Variants in ATE1 observed in about 807,000 individuals in gnomAD.
ATE1 encodes arginyl-tRNA--protein transferase 1.
In ATE1, 36 loss-of-function variants were observed where a neutral mutation model predicts 70.5. The observed-to-expected ratio is 0.51, with a 90% CI of 0.39 to 0.67. The LOEUF is 0.67. ATE1 is among the 30% of genes least tolerant of loss of function. The probability of loss-of-function intolerance (pLI) is 0.00; values close to 1 mark genes in which losing one functional copy is unlikely to be tolerated. For synonymous variants in ATE1, 232 were observed against 219.3 expected (o/e 1.06, Z -0.51); for missense variants, 593 against 629.5 (o/e 0.94, Z 0.62).
At chr10:121,757,804 C>T (rs1944869815) in intron 11 of ATE1, among the ~76,000 whole-genome samples, 1 of 152,214 alleles carries the variant, frequency 6.6e-6, no homozygotes, top group African/African-American at 2.4e-5. Context: ...TGGGTGGGGA[C>T]ACAGAGCCAA....
At chr10:121,825,470 A>G (rs995973313) in intron 10 of ATE1, among the ~76,000 whole-genome samples, 5 of 152,212 alleles carry the variant, frequency 3.3e-5, no homozygotes, top group Admixed American at 6.5e-5. Flanking sequence ...AGTTTCTCCC[A>G]TTACCAACCA....
chr10:121,829,349 G>A (rs1487969769), intron 10 of ATE1, among the ~76,000 whole-genome samples: 2 of 152,080 alleles, frequency 1.3e-5, no homozygotes, highest in Non-Finnish European at 2.9e-5. Flanking sequence ...CTTGAACCCA[G>A]GAGGCAAGAG....
intron 11 of ATE1, among the ~76,000 whole-genome samples, chr10:121,779,821 A>G (rs146849338): frequency 5.9e-5 from 9 of 152,320 alleles, no homozygotes; most frequent in African/African-American, 1.9e-4. Flanking sequence ...CACTAAAACT[A>G]AAACAAGGTC....
rs34400277 is a variant in ATE1 at position 121,892,499 on chromosome 10, CTTTTTTT to C, written c.942+7360_942+7366del. On this transcript the variant is annotated intron_variant, in intron 7 of 11. Coordinates refer to ENST00000224652, the MANE Select transcript of ATE1 (RefSeq NM_001001976.3). ...GGGTGGGACACAAACGGTGACAAAA[CTTTTTTT>C]TTTTTTTTTTTTTGACACAGTCTCC... Among the ~76,000 whole-genome samples the C allele has an allele frequency of 1.4e-3, 177 of 125,564 alleles. 1 individual carries two copies. The highest frequency in any genetic ancestry group is 5.0e-3 in the African/African-American group (170 of 34,308). 82.4% of individuals were successfully genotyped at this position (125,564 alleles called of 152,430 possible).
At chr10:121,844,302 C>T (rs1948737427) in intron 8 of ATE1, among the ~76,000 whole-genome samples, 1 of 152,166 alleles carries the variant, frequency 6.6e-6, no homozygotes, top group Non-Finnish European at 1.5e-5. Flanking sequence ...TGAACAGACA[C>T]CTCACCCCAA....
At chr10:121,866,516 C>A (rs1949668302) in intron 8 of ATE1, among the ~76,000 whole-genome samples, 2 of 152,062 alleles carry the variant, frequency 1.3e-5, no homozygotes, top group Admixed American at 1.3e-4. Flanking sequence ...CACATATATT[C>A]CCAATACTTA....
chr10:121,926,668 T>C, intron 1 of ATE1: 1 of 931,880 alleles, frequency 1.1e-6, no homozygotes, highest in Non-Finnish European at 1.3e-6. Flanking sequence ...ATAAATATTA[T>C]AGCCAAAATA....
intron 11 of ATE1, among the ~76,000 whole-genome samples, chr10:121,789,495 C>T (rs1271315444): frequency 6.6e-6 from 1 of 151,894 alleles, no homozygotes; most frequent in Non-Finnish European, 1.5e-5. Context: ...GAGGAGGTTT[C>T]ACCATGTTGG....
chr10:121,928,102 T>G, upstream of ATE1: 2 of 1,218,868 alleles, frequency 1.6e-6, no homozygotes, highest in Non-Finnish European at 2.0e-6. Flanking sequence ...CGGCGCCTCT[T>G]GGAGCTGACG....
intron 7 of ATE1, 142 bp downstream of exon 7, chr10:121,899,724 A>C: frequency 8.1e-7 from 1 of 1,239,802 alleles, no homozygotes; most frequent in Non-Finnish European, 1.1e-6. Flanking sequence ...AATGTCCATT[A>C]ATTCAGTCTT....
chr10:121,759,680 C>T (rs539027120), intron 11 of ATE1, among the ~76,000 whole-genome samples: 13 of 149,710 alleles, frequency 8.7e-5, no homozygotes, highest in Admixed American at 2.7e-4. Flanking sequence ...GCCGAGACTG[C>T]GCCACTGCAC....
chr10:121,886,759 A>C (rs1950412334), intron 7 of ATE1, among the ~76,000 whole-genome samples: 1 of 152,284 alleles, frequency 6.6e-6, no homozygotes, highest in South Asian at 2.1e-4. Flanking sequence ...GCCTAGGGTA[A>C]AACTGGTTTC....
At chr10:121,912,630 C>T (rs746224781) in intron 4 of ATE1, among the ~76,000 whole-genome samples, 15 of 151,758 alleles carry the variant, frequency 9.9e-5, no homozygotes, top group African/African-American at 2.4e-4. Context: ...CCAGCCCGGG[C>T]GACAGAGCAA....
Position 121,816,936 on chromosome 10 carries a change from A to G in ATE1, c.1257+19782T>C, listed in dbSNP as rs116150713. On this transcript the variant is annotated intron_variant, in intron 10 of 11. Transcript: ENST00000224652. ...ACAAATGTTCTAAATTATTTGCAAT[A>G]CCTGAAAAGAATCTGAAGAAAGTGC... 4.5e-3 allele frequency among the ~76,000 whole-genome samples: 685 copies of G among 152,322 alleles called. 6 individuals carry two copies. The highest frequency in any genetic ancestry group is 0.015 in the African/African-American group (644 of 41,580).
At chr10:121,859,130 A>C (rs912858788) in intron 8 of ATE1, among the ~76,000 whole-genome samples, 1 of 152,222 alleles carries the variant, frequency 6.6e-6, no homozygotes, top group African/African-American at 2.4e-5. Flanking sequence ...AGGATATGCA[A>C]GAAAATTGTG....
At chr10:121,869,536 C>T (rs529220255) in intron 8 of ATE1, among the ~76,000 whole-genome samples, 7 of 152,222 alleles carry the variant, frequency 4.6e-5, no homozygotes, top group Non-Finnish European at 8.8e-5. Flanking sequence ...GCTATAACAG[C>T]ACCTCAATAA....
intron 10 of ATE1, among the ~76,000 whole-genome samples, chr10:121,801,700 T>A (rs1376629895): frequency 2.0e-5 from 3 of 152,182 alleles, no homozygotes; most frequent in African/African-American, 7.2e-5. Flanking sequence ...TTTGCTTTTT[T>A]AAGGCTCTTT....
rs570732571 is a variant in ATE1 at position 121,774,697 on chromosome 10, C to T, written c.1378+15472G>A. On this transcript the variant is annotated intron_variant, in intron 11 of 11. Coordinates refer to ENST00000224652, the MANE Select transcript of ATE1 (RefSeq NM_001001976.3). ...ACTGTGTTCTTTACTAAGGGAACTTCGATCTAAATGTAAAATTAGAACTCA... is the reference window on the plus strand; with the variant it reads ...ACTGTGTTCTTTACTAAGGGAACTTTGATCTAAATGTAAAATTAGAACTCA... Among the ~76,000 whole-genome samples, 5 of 152,266 alleles carry T rather than the reference C, an allele frequency of 3.3e-5. No homozygotes were observed. In the South Asian group the frequency reaches 8.3e-4, roughly 25 times the overall value.
At chr10:121,769,760 G>A (rs140342753) in intron 11 of ATE1, among the ~76,000 whole-genome samples, 37 of 152,354 alleles carry the variant, frequency 2.4e-4, no homozygotes, top group African/African-American at 8.2e-4. Flanking sequence ...CAGATGTAAA[G>A]ACGTTCAACA....
Sources: allele counts gnomAD v4.1 joint callset (sites outside exome capture counted in the v4.1 genomes callset), GRCh38; gene constraint gnomAD v4.1.1; transcripts MANE v1.5; gene names NCBI Gene and HGNC (gene_info 2026-07-23, HGNC 2026-07-21).